The following HECW1 variants were observed in gnomAD, a reference collection of about 807,000 sequenced individuals.
The protein encoded by HECW1 is HECT, C2 and WW domain containing E3 ubiquitin protein ligase 1.
Under a neutral mutation model 182.3 loss-of-function variants are expected in HECW1, and 61 were observed. The observed-to-expected ratio is 0.33, with a 90% confidence interval of 0.27 to 0.41. The LOEUF (loss-of-function observed/expected upper bound fraction) is 0.41. Among genes scored for constraint, HECW1 ranks in the 10% least tolerant of loss-of-function variants. HECW1 has a pLI of 1.00. For missense variants in HECW1, 1,739 were observed against 2,108.9 expected (o/e 0.82, Z 3.44); for synonymous variants, 859 against 832.6 (o/e 1.03, Z -0.55).
intron 5 of HECW1, among the ~76,000 whole-genome samples, chr7:43,338,007 G>T (rs187272098): frequency 6.6e-6 from 1 of 152,170 alleles, no homozygotes; most frequent in African/African-American, 2.4e-5. Flanking sequence ...GCCATGTCCT[G>T]TGTGCCAGAG....
At chr7:43,227,885 G>A (rs73690273) in intron 2 of HECW1, among the ~76,000 whole-genome samples, 4,429 of 152,250 alleles carry the variant, frequency 0.029, 198 homozygotes, top group African/African-American at 0.089. Flanking sequence ...TACATGATAA[G>A]GGGGAAGCAG....
At chr7:43,500,803 T>C in intron 20 of HECW1, 21 bp downstream of exon 20, 1 of 1,603,730 alleles carries the variant, frequency 6.2e-7, no homozygotes, top group Non-Finnish European at 8.5e-7. Flanking sequence ...AGGCCTGAAA[T>C]CCTTCTGGAA....
Position 43,452,762 on chromosome 7 carries a change from G to A in HECW1, c.2500+1833G>A, listed in dbSNP as rs543532763. On this transcript the variant is annotated intron_variant, in intron 12 of 29. Coordinates refer to ENST00000395891, the MANE Select transcript of HECW1 (RefSeq NM_015052.5). ...GGTGAGGGATCTCTGAGTTCGTGTGGGGGTGGCTGGTTTGCAGTTTTAAAA... is the reference window on the plus strand; with the variant it reads ...GGTGAGGGATCTCTGAGTTCGTGTGAGGGTGGCTGGTTTGCAGTTTTAAAA... Among the ~76,000 whole-genome samples the A allele has an allele frequency of 2.1e-4, 32 of 152,192 alleles. 1 individual carries two copies. Among genetic ancestry groups the A allele is most frequent in the Non-Finnish European group, 4.3e-4 (29 of 68,046 alleles).
intron 11 of HECW1, among the ~76,000 whole-genome samples, chr7:43,449,865 C>T (rs1283683094): frequency 1.3e-5 from 2 of 152,204 alleles, no homozygotes; most frequent in Non-Finnish European, 2.9e-5. Flanking sequence ...GATTATGTGA[C>T]CCAAGCAGCT....
At chr7:43,543,947 C>T (rs936808415) in intron 26 of HECW1, among the ~76,000 whole-genome samples, 9 of 152,230 alleles carry the variant, frequency 5.9e-5, no homozygotes, top group Admixed American at 5.9e-4. Flanking sequence ...TACACAATTA[C>T]TTAACAAACT....
chr7:43,167,080 A>G (rs1281712274), intron 2 of HECW1, among the ~76,000 whole-genome samples: 1 of 152,234 alleles, frequency 6.6e-6, no homozygotes, highest in Non-Finnish European at 1.5e-5. Flanking sequence ...ACAACTTATC[A>G]CAAACTTTAT....
chr7:43,546,219 CTTTTTTTTTT>C (rs34255651), intron 26 of HECW1, among the ~76,000 whole-genome samples: 2 of 91,892 alleles, frequency 2.2e-5, no homozygotes. Context: ...TACCCCCAAC[CTTTTTTTTTT>C]TTTTTTTTTT....
At chr7:43,145,433 C>T (rs559649748) in intron 2 of HECW1, among the ~76,000 whole-genome samples, 1 of 152,188 alleles carries the variant, frequency 6.6e-6, no homozygotes, top group South Asian at 2.1e-4. Context: ...GTAGCTGGGA[C>T]CACAGATATG....
chr7:43,257,081 A>G (rs1465201459), intron 3 of HECW1, among the ~76,000 whole-genome samples: 2 of 152,346 alleles, frequency 1.3e-5, no homozygotes, highest in South Asian at 2.1e-4. Context: ...TCATTCATTC[A>G]TTCTGTGAGC....
At chr7:43,527,196 T>A (rs2080793122) in intron 24 of HECW1, among the ~76,000 whole-genome samples, 1 of 152,198 alleles carries the variant, frequency 6.6e-6, no homozygotes, top group South Asian at 2.1e-4. Flanking sequence ...TCCAAGATCC[T>A]ATGCTGAGTG....
At chr7:43,400,473 T>C (rs1246843638) in intron 7 of HECW1, among the ~76,000 whole-genome samples, 1 of 152,092 alleles carries the variant, frequency 6.6e-6, no homozygotes, top group Non-Finnish European at 1.5e-5. Context: ...ACTTGAACAA[T>C]GTGTGGAGAA....
Position 43,311,875 on chromosome 7 carries a change from A to G in HECW1, c.140A>G (p.Gln47Arg). 1 of 1,614,238 alleles carries G rather than the reference A, an allele frequency of 6.2e-7. No homozygotes were observed. Among genetic ancestry groups the G allele is most frequent in the Non-Finnish European group, 8.5e-7 (1 of 1,180,048 alleles). ...EPLRYSYNPD[Q>R]FHNMDLRGGP... Reference sequence around the variant, plus strand: ...CTCCGATACAGCTACAACCCCGACCAGTTCCACAACATGGACCTCAGGGGC... The same window carrying G: ...CTCCGATACAGCTACAACCCCGACCGGTTCCACAACATGGACCTCAGGGGC... The change falls in exon 4 of 30, where the codon CAG (glutamine) becomes CGG (arginine). Residue 47 changes from glutamine to arginine, a missense_variant. Coordinates refer to ENST00000395891, the MANE Select transcript of HECW1 (RefSeq NM_015052.5).
chr7:43,223,670 C>A (rs1797183549), intron 2 of HECW1, among the ~76,000 whole-genome samples: 1 of 152,092 alleles, frequency 6.6e-6, no homozygotes, highest in Non-Finnish European at 1.5e-5. Context: ...CAAATCCCAT[C>A]AGTGGTTTCC....
intron 8 of HECW1, among the ~76,000 whole-genome samples, chr7:43,422,389 G>A (rs1179471407): frequency 1.4e-5 from 2 of 139,690 alleles, no homozygotes; most frequent in Non-Finnish European, 3.0e-5. Flanking sequence ...TTTTTGAGGA[G>A]TCTCGCTCTG....
chr7:43,192,327 A>G (rs550271141), intron 2 of HECW1, among the ~76,000 whole-genome samples: 1 of 152,360 alleles, frequency 6.6e-6, no homozygotes, highest in Non-Finnish European at 1.5e-5. Flanking sequence ...CAAAATAGCT[A>G]GTAGAGAATA....
rs1010983839 is a variant in HECW1, at chr7:43,287,280, G to T, written c.28-24483G>T. On this transcript the variant is annotated intron_variant, in intron 3 of 29. Transcript: ENST00000395891. ...GTACTGTGGAGATGCTGGAATGGAG[G>T]CCTGATGAAGGGAGAGCCAGAGGCC... Among the ~76,000 whole-genome samples, 10 of 152,080 alleles carry T rather than the reference G, an allele frequency of 6.6e-5. No homozygotes were observed. In the South Asian group the frequency reaches 8.3e-4, roughly 13 times the overall value.
intron 2 of HECW1, among the ~76,000 whole-genome samples, chr7:43,181,042 C>T (rs1200660702): frequency 6.6e-6 from 1 of 151,986 alleles, no homozygotes; most frequent in Non-Finnish European, 1.5e-5. Context: ...CTATTCTACT[C>T]TCTTCTTCTA....
intron 2 of HECW1, among the ~76,000 whole-genome samples, chr7:43,220,410 T>C (rs1796841968): frequency 6.6e-6 from 1 of 152,192 alleles, no homozygotes; most frequent in African/African-American, 2.4e-5. Context: ...CACAGTTGAC[T>C]GAATCATTGG....
intron 2 of HECW1, among the ~76,000 whole-genome samples, chr7:43,217,834 C>T (rs1796576605): frequency 6.6e-6 from 1 of 152,220 alleles, no homozygotes; most frequent in Non-Finnish European, 1.5e-5. Flanking sequence ...TATTTTTGGT[C>T]ACTGAGCATC....
Sources: gnomAD v4.1 joint callset for allele counts (sites outside exome capture counted in the v4.1 genomes callset) on GRCh38, gnomAD v4.1.1 for gene constraint, MANE v1.5 for transcripts, NCBI Gene and HGNC (gene_info 2026-07-23, HGNC 2026-07-21) for gene names.